The following THSD4 variants were observed in gnomAD, a reference collection of about 807,000 sequenced individuals.
THSD4 encodes the protein thrombospondin type 1 domain containing 4.
In THSD4, 69 loss-of-function variants were observed where a neutral mutation model predicts 119.0. The ratio of observed to expected loss-of-function variants is 0.58; its 90% CI spans 0.48 to 0.71. THSD4 has a LOEUF of 0.71. Among genes scored for constraint, THSD4 ranks in the 30% least tolerant of loss-of-function variants. The pLI, the probability that THSD4 is intolerant of heterozygous loss-of-function variation, is 0.00. For missense variants in THSD4, 1,393 were observed against 1,391.1 expected, an observed-to-expected ratio of 1.00 and a Z score of -0.02; for synonymous variants, 524 against 540.4, an observed-to-expected ratio of 0.97 and a Z score of 0.42.
chr15:71,447,550 A>G (rs1285528374), intron 7 of THSD4, among the ~76,000 whole-genome samples: 2 of 152,188 alleles, frequency 1.3e-5, no homozygotes, highest in African/African-American at 2.4e-5. Context: ...ACAGCTATAG[A>G]ATTTATCCTA....
At chr15:71,230,395 A>G (rs2044050510) in intron 4 of THSD4, among the ~76,000 whole-genome samples, 1 of 152,196 alleles carries the variant, frequency 6.6e-6, no homozygotes, top group Non-Finnish European at 1.5e-5. Context: ...CTGCCTCTGC[A>G]ACAGTTCGCA....
upstream of THSD4, chr15:71,111,208 A>G (rs1164862251): frequency 1.9e-6 from 3 of 1,613,436 alleles, no homozygotes; most frequent in East Asian, 2.2e-5. Flanking sequence ...TGTGAAGCAG[A>G]AAAGGGAAAG....
intron 6 of THSD4, among the ~76,000 whole-genome samples, chr15:71,314,530 C>A (rs542628448): frequency 2.0e-5 from 3 of 152,296 alleles, no homozygotes; most frequent in Admixed American, 2.0e-4. Flanking sequence ...TGGTCTTGAA[C>A]TCCTGACCTC....
rs972391436 is a variant in THSD4 at position 71,682,826 on chromosome 15, C to T, written c.1357+22092C>T. 5.4e-5 allele frequency among the ~76,000 whole-genome samples: 8 copies of T among 148,806 alleles called. No homozygotes were observed. The South Asian group carries it at 1.3e-3, about 24-fold the overall frequency. On this transcript the variant is annotated intron_variant, in intron 8 of 17. Coordinates refer to ENST00000261862, the MANE Select transcript of THSD4 (RefSeq NM_024817.3). ...ATAGCTTTAAAATGTGATTTAGTAT[C>T]TGGCATGGCAATTCTTCCCTCTTTT... is the stretch of plus-strand genomic sequence containing the variant.
At chr15:71,494,315 C>T (rs1350358893) in intron 7 of THSD4, among the ~76,000 whole-genome samples, 1 of 151,722 alleles carries the variant, frequency 6.6e-6, no homozygotes, top group East Asian at 1.9e-4. Flanking sequence ...CATCTCTGTC[C>T]CCATCTTTTC....
At chr15:71,331,889 CATG>C (rs1212239369) in intron 6 of THSD4, among the ~76,000 whole-genome samples, 2 of 143,266 alleles carry the variant, frequency 1.4e-5, no homozygotes, top group Non-Finnish European at 3.0e-5. Flanking sequence ...GTAATACAGA[CATG>C]ATAAAATTCT....
In THSD4 at chr15:71,765,242, T is replaced by G. The variant is rs759211339; in HGVS notation, c.2769+43T>G. On this transcript the variant is annotated intron_variant, in intron 16 of 17. Coordinates refer to ENST00000261862, the MANE Select transcript of THSD4 (RefSeq NM_024817.3). ...TGATGGAGGTTGCATTGGCACAACG[T>G]CCCCCACCTGAACTCCTATAGACCC... The G allele has an allele frequency of 3.2e-6, 5 of 1,584,114 alleles. No homozygotes were observed. In the East Asian group the frequency reaches 1.1e-4, roughly 35 times the overall value.
At position 71,215,310 on chromosome 15, in the gene THSD4, C is replaced by G. The variant is rs1345950093; in HGVS notation, c.375C>G (p.Ala125=). Residue 125 remains alanine, a synonymous_variant, in exon 4 of 18, where the codon GCC becomes GCG. Coordinates refer to ENST00000261862, the MANE Select transcript of THSD4 (RefSeq NM_024817.3). ...HRSRDETPAL[A]GTDASRQGPT... is the part of the protein sequence containing the mutation. ...GCCGCGACGAGACGCCAGCGCTGGC[C>G]GGTACGGACGCCAGCCGCCAGGGCC... 1 of 1,527,942 alleles carries G rather than the reference C, an allele frequency of 6.5e-7. No homozygotes were observed. Among genetic ancestry groups the G allele is most frequent in the Admixed American group, 2.0e-5 (1 of 50,658 alleles). The allele number at this position is 1,527,942 out of a possible 1,614,324, so 94.6% of individuals were successfully genotyped here.
intron 7 of THSD4, among the ~76,000 whole-genome samples, chr15:71,538,726 G>A (rs1422684524): frequency 1.3e-5 from 2 of 152,196 alleles, no homozygotes. Flanking sequence ...CCCTGATGAT[G>A]CTGATCCAGG....
At chr15:71,586,727 TC>T (rs775162937) in intron 7 of THSD4, among the ~76,000 whole-genome samples, 16 of 152,188 alleles carry the variant, frequency 1.1e-4, no homozygotes, top group Non-Finnish European at 2.2e-4. Flanking sequence ...GGGAGCAAAC[TC>T]CAACACATTC....
intron 14 of THSD4, among the ~76,000 whole-genome samples, chr15:71,757,554 C>CCGAGTAGTTGGGATTACAGGTG (rs1555449798): frequency 2.2e-4 from 34 of 151,966 alleles, no homozygotes; most frequent in South Asian, 4.2e-4. Flanking sequence ...CTTCAGCCTC[C>CCGAGTAGTTGGGATTACAGGTG]CAAAGCTCTG....
chr15:71,487,041 G>T (rs1256881526), intron 7 of THSD4, among the ~76,000 whole-genome samples: 1 of 152,170 alleles, frequency 6.6e-6, no homozygotes, highest in East Asian at 1.9e-4. Flanking sequence ...CACAGTCTCA[G>T]TTGTGAACTT....
intron 6 of THSD4, among the ~76,000 whole-genome samples, chr15:71,346,881 T>TG (rs2045669251): frequency 7.2e-6 from 1 of 139,582 alleles, no homozygotes; most frequent in Non-Finnish European, 1.6e-5. Context: ...TTTTTTTTTT[T>TG]TTTTTTTTTT....
intron 4 of THSD4, among the ~76,000 whole-genome samples, chr15:71,233,438 C>G (rs556261432): frequency 1.3e-5 from 2 of 152,234 alleles, no homozygotes; most frequent in Admixed American, 1.3e-4. Context: ...TCTGTATATA[C>G]TGTGTACATT....
intron 6 of THSD4, among the ~76,000 whole-genome samples, chr15:71,282,987 T>TG (rs1491477525): frequency 7.2e-6 from 1 of 139,126 alleles, no homozygotes; most frequent in African/African-American, 3.0e-5. Flanking sequence ...TTTTTTTTTT[T>TG]GAGACGGAGT....
chr15:71,173,372 A>C (rs2043402499), intron 3 of THSD4, among the ~76,000 whole-genome samples: 1 of 152,102 alleles, frequency 6.6e-6, no homozygotes, highest in African/African-American at 2.4e-5. Context: ...AAATTAAAGA[A>C]GACATAAATA....
At chr15:71,714,568 A>G (rs1030541318) in intron 8 of THSD4, among the ~76,000 whole-genome samples, 1 of 152,208 alleles carries the variant, frequency 6.6e-6, no homozygotes, top group African/African-American at 2.4e-5. Context: ...AATGCTGGCC[A>G]GGAGCAGTGG....
chr15:71,491,878 A>G (rs1254982869), intron 7 of THSD4, among the ~76,000 whole-genome samples: 2 of 152,196 alleles, frequency 1.3e-5, no homozygotes, highest in East Asian at 3.9e-4. Flanking sequence ...CAAAAAAGAA[A>G]AAAAAGAAAA....
At chr15:71,142,857 G>A (rs570406750) in intron 2 of THSD4, among the ~76,000 whole-genome samples, 3 of 152,296 alleles carry the variant, frequency 2.0e-5, no homozygotes, top group African/African-American at 7.2e-5. Context: ...AGTCCCACAT[G>A]CCTAGAACTT....
Sources: gnomAD v4.1 joint callset for allele counts (sites outside exome capture counted in the v4.1 genomes callset) on GRCh38, gnomAD v4.1.1 for gene constraint, MANE v1.5 for transcripts, NCBI Gene and HGNC (gene_info 2026-07-23, HGNC 2026-07-21) for gene names.